Variants in SP4 observed in about 807,000 individuals in gnomAD.
SP4 encodes the protein Sp4 transcription factor.
Under a neutral mutation model 72.8 loss-of-function variants are expected in SP4, and 19 were observed. The observed-to-expected ratio is 0.26, with a 90% CI of 0.18 to 0.38. The LOEUF is 0.38. Ranked by LOEUF, SP4 falls within the 10% of genes least tolerant of loss-of-function variation. The pLI is 1.00. For missense variants in SP4, 1,008 were observed against 926.3 expected (o/e 1.09, Z -1.14); for synonymous variants, 395 against 333.1 (o/e 1.19, Z -2.02).
intron 3 of SP4, among the ~76,000 whole-genome samples, chr7:21,439,830 C>T (rs1306458165): frequency 6.6e-6 from 1 of 152,114 alleles, no homozygotes; most frequent in Non-Finnish European, 1.5e-5. Context: ...CTCAAGAGTT[C>T]TGTTTAAGGT....
At chr7:21,454,355 C>T (rs1583399251) in intron 3 of SP4, among the ~76,000 whole-genome samples, 1 of 148,414 alleles carries the variant, frequency 6.7e-6, no homozygotes, top group Non-Finnish European at 1.5e-5. Flanking sequence ...CTTTTACTAA[C>T]TTTTTTTTTT....
intron 5 of SP4, among the ~76,000 whole-genome samples, chr7:21,483,822 A>G (rs1340590715): frequency 3.3e-5 from 5 of 150,772 alleles, no homozygotes; most frequent in Non-Finnish European, 7.4e-5. Context: ...CAGAACACCT[A>G]CCCTTTTCAG....
intron 1 of SP4, 90 bp downstream of exon 1, chr7:21,428,348 G>A: frequency 1.4e-6 from 1 of 728,618 alleles, no homozygotes; most frequent in Non-Finnish European, 2.5e-6. Context: ...CCCTCCCCCG[G>A]GGCCGCTGAG....
At chr7:21,446,907 G>T (rs1346946018) in intron 3 of SP4, among the ~76,000 whole-genome samples, 1 of 150,558 alleles carries the variant, frequency 6.6e-6, no homozygotes, top group Non-Finnish European at 1.5e-5. Context: ...TGACTCTAAC[G>T]CTATTCTCCA....
intron 3 of SP4, among the ~76,000 whole-genome samples, chr7:21,448,883 C>A (rs1191360712): frequency 2.0e-5 from 3 of 152,110 alleles, no homozygotes; most frequent in Non-Finnish European, 4.4e-5. Flanking sequence ...AAATGAGACT[C>A]CTCTATTACT....
At chr7:21,428,520 C>T (rs1257259211) in intron 1 of SP4, among the ~76,000 whole-genome samples, 157 bp from the exon 2 acceptor site, 2 of 152,182 alleles carry the variant, frequency 1.3e-5, no homozygotes, top group East Asian at 1.9e-4. Flanking sequence ...CTCCTCCCTT[C>T]CCTCCTTCTC....
intron 5 of SP4, among the ~76,000 whole-genome samples, chr7:21,486,126 G>A (rs1394024830): frequency 6.6e-6 from 1 of 150,752 alleles, no homozygotes; most frequent in African/African-American, 2.4e-5. Flanking sequence ...CATTGTCACA[G>A]CTCTATTTTC....
chr7:21,460,871 A>G (rs1023089157), intron 3 of SP4, among the ~76,000 whole-genome samples: 2 of 152,138 alleles, frequency 1.3e-5, no homozygotes, highest in Non-Finnish European at 2.9e-5. Flanking sequence ...CTGCATTTAC[A>G]AACCTTCAGC....
In SP4 at chr7:21,430,712, C is replaced by A; in HGVS notation, c.1547C>A (p.Ala516Asp). Residue 516 changes from alanine (A) to aspartate (D), a missense_variant, in exon 3 of 6, where the codon GCT becomes GAT. Coordinates refer to ENST00000222584, the MANE Select transcript of SP4 (RefSeq NM_003112.5). ...TLAQIAPVAV[A>D]GAPITLNTAQ... ...GCTCAGATTGCTCCTGTGGCTGTTG[C>A]TGGTGCCCCAATAACTTTGAATACT... 2 of 1,614,212 alleles carry A rather than the reference C, an allele frequency of 1.2e-6. No homozygotes were observed. Among genetic ancestry groups the A allele is most frequent in the Non-Finnish European group, 1.7e-6 (2 of 1,180,040 alleles).
intron 3 of SP4, among the ~76,000 whole-genome samples, chr7:21,460,979 G>A (rs1470406213): frequency 1.3e-5 from 2 of 152,122 alleles, no homozygotes; most frequent in Non-Finnish European, 2.9e-5. Flanking sequence ...GCTGATTGGT[G>A]CATTTCCAAA....
At chr7:21,438,053 A>T (rs1320569351) in intron 3 of SP4, among the ~76,000 whole-genome samples, 1 of 151,956 alleles carries the variant, frequency 6.6e-6, no homozygotes, top group Non-Finnish European at 1.5e-5. Context: ...TGGCCCTGGA[A>T]AAACATATGT....
chr7:21,493,346 C>A (rs1157216973), intron 5 of SP4, among the ~76,000 whole-genome samples: 1 of 151,786 alleles, frequency 6.6e-6, no homozygotes, highest in Non-Finnish European at 1.5e-5. Flanking sequence ...AAAATATTTC[C>A]AATTAAATGA....
At chr7:21,428,627 A>C (rs777650723) in intron 1 of SP4, 50 bp from the exon 2 acceptor site, 57 of 1,474,750 alleles carry the variant, frequency 3.9e-5, no homozygotes, top group South Asian at 7.5e-5. Context: ...GAATAATAAT[A>C]ATCCTAATAA....
At chr7:21,478,535 C>T (rs1418166317) in intron 4 of SP4, among the ~76,000 whole-genome samples, 3 of 152,118 alleles carry the variant, frequency 2.0e-5, no homozygotes, top group African/African-American at 7.2e-5. Flanking sequence ...CAGTACTTGT[C>T]ATTATCTGAC....
At chr7:21,493,746 G>A (rs1785037625) in intron 5 of SP4, among the ~76,000 whole-genome samples, 1 of 152,052 alleles carries the variant, frequency 6.6e-6, no homozygotes. Flanking sequence ...TGGTTTCATT[G>A]ACAAATTCTA....
At chr7:21,428,546 G>A in intron 1 of SP4, 131 bp from the exon 2 acceptor site, 10 of 1,002,366 alleles carry the variant, frequency 1.0e-5, no homozygotes, top group African/African-American at 1.6e-5. Flanking sequence ...CCCCCTGCCG[G>A]TGTGCGTGGA....
intron 3 of SP4, among the ~76,000 whole-genome samples, chr7:21,457,511 A>AT (rs560704128): frequency 1.6e-4 from 25 of 152,310 alleles, no homozygotes; most frequent in Non-Finnish European, 3.2e-4. Flanking sequence ...ATTTGGTTCC[A>AT]TTTTTTATAC....
intron 3 of SP4, among the ~76,000 whole-genome samples, chr7:21,459,206 G>A (rs191314910): frequency 7.9e-5 from 12 of 152,252 alleles, no homozygotes; most frequent in East Asian, 1.9e-4. Context: ...TGCAACCTCC[G>A]CCTCCCGGAT....
intron 3 of SP4, among the ~76,000 whole-genome samples, chr7:21,469,581 G>A (rs1428494693): frequency 5.1e-5 from 7 of 136,510 alleles, no homozygotes; most frequent in East Asian, 2.1e-4. Flanking sequence ...TTGCTCTGTC[G>A]CCCAGGCTGG....
Sources: gnomAD v4.1 joint callset for allele counts (sites outside exome capture counted in the v4.1 genomes callset) on GRCh38, gnomAD v4.1.1 for gene constraint, MANE v1.5 for transcripts, NCBI Gene and HGNC (gene_info 2026-07-23, HGNC 2026-07-21) for gene names.